CLCA1: variants seen among roughly 807,000 people sequenced by gnomAD.
CLCA1 encodes the protein calcium-activated chloride channel regulator 1.
In CLCA1, 59 loss-of-function variants were observed where a neutral mutation model predicts 85.6. The observed-to-expected ratio is 0.69, with a 90% CI of 0.56 to 0.86. The LOEUF is 0.86. CLCA1 is among the 40% of genes least tolerant of loss of function. The pLI, the probability that CLCA1 is intolerant of heterozygous loss-of-function variation, is 0.00. For synonymous variants in CLCA1, 396 were observed against 398.3 expected (o/e 0.99, Z 0.07); for missense variants, 1,022 against 1,101.4 (o/e 0.93, Z 1.02).
intron 5 of CLCA1, among the ~76,000 whole-genome samples, chr1:86,483,270 G>A (rs1329316413): frequency 6.6e-6 from 1 of 152,152 alleles, no homozygotes; most frequent in African/African-American, 2.4e-5. Context: ...CTAGTCAGGT[G>A]TGGAAGCCTC....
chr1:86,486,758 G>A lies in CLCA1; in HGVS notation c.1182+5G>A. The A allele has an allele frequency of 3.1e-6, 5 of 1,612,960 alleles. No homozygotes were observed. The highest frequency in any genetic ancestry group is 3.4e-6 in the Non-Finnish European group (4 of 1,178,906). On this transcript the variant is annotated splice_donor_5th_base_variant and intron_variant, in intron 7 of 13. Transcript: ENST00000394711. ...GGGCTTCGATCGGCATTTACTGTGA[G>A]ATGTGTTTTTCTATTGTAGTTTGGA...
Position 86,486,519 on chromosome 1 carries a change from C to A in CLCA1, c.955-7C>A. The A allele has an allele frequency of 6.2e-7, 1 of 1,613,542 alleles. No individual in the cohort carries two copies. Among genetic ancestry groups the A allele is most frequent in the Non-Finnish European group, 8.5e-7 (1 of 1,179,580 alleles). ...GTAACCTGTTTTTCTTTTGCTTCTC[C>A]ATTTAGACTGGTAACCGCCTCAATC... On this transcript the variant is annotated splice_polypyrimidine_tract_variant and splice_region_variant and intron_variant, in intron 6 of 13. Coordinates refer to ENST00000394711, the MANE Select transcript of CLCA1 (RefSeq NM_001285.4).
intron 8 of CLCA1, among the ~76,000 whole-genome samples, chr1:86,489,575 T>C (rs1234753761): frequency 6.6e-6 from 1 of 152,222 alleles, no homozygotes; most frequent in African/African-American, 2.4e-5. Context: ...GCTTTAACTT[T>C]ACCTGGAGAA....
intron 1 of CLCA1, among the ~76,000 whole-genome samples, chr1:86,472,328 G>T (rs1367823877): frequency 1.3e-5 from 2 of 152,116 alleles, no homozygotes; most frequent in African/African-American, 4.8e-5. Flanking sequence ...GCTTGACACC[G>T]ATGATCACGC....
In CLCA1 at chr1:86,486,757, A is replaced by G. The variant is rs1486872688; in HGVS notation, c.1182+4A>G. 1 of 1,612,904 alleles carries G rather than the reference A, an allele frequency of 6.2e-7. No homozygotes were observed. The highest frequency in any genetic ancestry group is 1.7e-5 in the Admixed American group (1 of 60,014). ...CGGGCTTCGATCGGCATTTACTGTG[A>G]GATGTGTTTTTCTATTGTAGTTTGG... On this transcript the variant is annotated splice_donor_region_variant and intron_variant, in intron 7 of 13. Transcript: ENST00000394711.
At chr1:86,484,254 G>T (rs1040971083) in intron 5 of CLCA1, among the ~76,000 whole-genome samples, 1 of 152,196 alleles carries the variant, frequency 6.6e-6, no homozygotes, top group East Asian at 1.9e-4. Context: ...ATATCGTGAA[G>T]CTATAAAGGG....
chr1:86,499,543 T>C (rs959206), intron 13 of CLCA1, 111 bp from the exon 14 acceptor site: 1 of 691,098 alleles, frequency 1.4e-6, no homozygotes, highest in Non-Finnish European at 2.4e-6. Context: ...GGTGATGATA[T>C]AATTTCTCAT....
chr1:86,490,521 C>G (rs1416801078), intron 8 of CLCA1, among the ~76,000 whole-genome samples: 2 of 152,074 alleles, frequency 1.3e-5, no homozygotes, highest in South Asian at 4.1e-4. Context: ...TGTGCCTTTC[C>G]TCATTTAGAA....
At chr1:86,482,452 C>A in intron 5 of CLCA1, 70 bp downstream of exon 5, 1 of 1,400,822 alleles carries the variant, frequency 7.1e-7, no homozygotes, top group South Asian at 1.3e-5. Flanking sequence ...TCCAAGTGCT[C>A]CAAGGGAGAA....
At chr1:86,497,249 C>A (rs1024636730) in intron 12 of CLCA1, among the ~76,000 whole-genome samples, 5 of 152,298 alleles carry the variant, frequency 3.3e-5, no homozygotes, top group South Asian at 2.1e-4. Flanking sequence ...TCCCTCTATC[C>A]CTCGATAAGC....
At chr1:86,473,687 G>A (rs751940248) in intron 2 of CLCA1, 42 bp from the exon 3 acceptor site, 26 of 1,538,490 alleles carry the variant, frequency 1.7e-5, no homozygotes, top group South Asian at 4.9e-5. Flanking sequence ...TAATTCATTT[G>A]CTGAAACTTT....
intron 8 of CLCA1, among the ~76,000 whole-genome samples, chr1:86,490,898 CT>C (rs1158628376): frequency 5.5e-5 from 2 of 36,388 alleles, no homozygotes; most frequent in Non-Finnish European, 9.2e-5. Flanking sequence ...AAACCCATCT[CT>C]AAAAAAAAAA....
rs1348838341 is a variant in CLCA1, at chr1:86,476,450, A to G, written c.454A>G (p.Arg152Gly). The G allele has an allele frequency of 2.0e-6, 3 of 1,535,988 alleles. No homozygotes were observed. The highest frequency in any genetic ancestry group is 1.4e-5 in the African/African-American group (1 of 73,208). Residue 152 changes from arginine (R) to glycine (G), a missense_variant and splice_region_variant, in exon 4 of 14, where the codon AGG (arginine) becomes GGG (glycine). Coordinates refer to ENST00000394711, the MANE Select transcript of CLCA1 (RefSeq NM_001285.4). ...KKLAEYGPQGRAFVHEWAHLR... is the reference protein window; with the variant it reads ...KKLAEYGPQGGAFVHEWAHLR... Reference sequence around the variant, plus strand: ...TTTTTTAAAATACTTTCTCACAGGTAGGGCATTTGTCCATGAGTGGGCTCA... The same window carrying G: ...TTTTTTAAAATACTTTCTCACAGGTGGGGCATTTGTCCATGAGTGGGCTCA...
At chr1:86,493,622 T>G in intron 10 of CLCA1, 23 bp downstream of exon 10, 4 of 1,515,954 alleles carry the variant, frequency 2.6e-6, no homozygotes, top group Non-Finnish European at 3.7e-6. Context: ...CTTTTTTTCT[T>G]TCTCATAATT....
In CLCA1 at chr1:86,499,671, C is replaced by A. The variant is rs753192579; in HGVS notation, c.2371C>A (p.Arg791=). 1 of 1,581,984 alleles carries A rather than the reference C, an allele frequency of 6.3e-7. No homozygotes were observed. The change falls in exon 14 of 14, where the codon CGA becomes AGA. Residue 791 remains arginine (R), a synonymous_variant. Transcript: ENST00000394711. ...CTTTTTAGCTCACAAGTATATCATT[C>A]GAATAAGTACAAGTATTCTTGATCT... ...DHGTAHKYII[R]ISTSILDLRD...
At chr1:86,491,472 C>A in intron 9 of CLCA1, 101 bp downstream of exon 9, 1 of 697,884 alleles carries the variant, frequency 1.4e-6, no homozygotes. Flanking sequence ...TCTTCTGGTA[C>A]TGAATTAAAA....
chr1:86,476,368 C>A, intron 3 of CLCA1, 80 bp from the exon 4 acceptor site: 1 of 696,476 alleles, frequency 1.4e-6, no homozygotes, highest in Non-Finnish European at 2.6e-6. Context: ...ATAAATATTC[C>A]AAACATTGCT....
intron 1 of CLCA1, among the ~76,000 whole-genome samples, chr1:86,469,748 T>A (rs528480968): frequency 1.3e-5 from 2 of 152,288 alleles, no homozygotes; most frequent in South Asian, 4.1e-4. Context: ...GAAGGTCTTG[T>A]ACAACAACAA....
At chr1:86,484,485 AAGTCATAG>A (rs1184177117) in intron 5 of CLCA1, among the ~76,000 whole-genome samples, 1 of 152,220 alleles carries the variant, frequency 6.6e-6, no homozygotes, top group African/African-American at 2.4e-5. Context: ...GCAAAGCTCC[AAGTCATAG>A]AGTTTGCCAT....
Sources: gnomAD v4.1 joint callset for allele counts (sites outside exome capture counted in the v4.1 genomes callset) on GRCh38, gnomAD v4.1.1 for gene constraint, MANE v1.5 for transcripts, NCBI Gene and HGNC (gene_info 2026-07-23, HGNC 2026-07-21) for gene names.